ACTN4: variants seen among roughly 807,000 people sequenced by gnomAD.
The protein encoded by ACTN4 is alpha-actinin-4.
A neutral mutation model predicts 114.2 loss-of-function variants in ACTN4; 18 were observed. That is an observed-to-expected ratio of 0.16 (90% CI 0.11 to 0.23). The LOEUF is 0.23. Ranked by LOEUF, ACTN4 falls within the 10% of genes least tolerant of loss-of-function variation. ACTN4 has a pLI of 1.00. For synonymous variants in ACTN4, 515 were observed against 506.3 expected (o/e 1.02, Z -0.23); for missense variants, 722 against 1,262.9 (o/e 0.57, Z 6.49).
chr19:38,661,300 G>T (rs1228220633), intron 1 of ACTN4, among the ~76,000 whole-genome samples: 1 of 152,200 alleles, frequency 6.6e-6, no homozygotes, highest in East Asian at 1.9e-4. Flanking sequence ...CCCCAAGACG[G>T]CAGAACATGA....
intron 1 of ACTN4, among the ~76,000 whole-genome samples, chr19:38,653,000 C>T (rs539228438): frequency 6.6e-6 from 1 of 151,140 alleles, no homozygotes; most frequent in African/African-American, 2.4e-5. Flanking sequence ...GCAGGAGAAT[C>T]GCTTGAACCT....
At position 38,647,816 on chromosome 19, in the gene ACTN4, G is replaced by A; in HGVS notation, c.71G>A (p.Gly24Asp). 2 of 1,552,752 alleles carry A rather than the reference G, an allele frequency of 1.3e-6. No individual in the cohort carries two copies. The highest frequency in any genetic ancestry group is 1.7e-6 in the Non-Finnish European group (2 of 1,150,658). ...GPSSAGNGAG[G>D]GGSMGDYMAQ... ...AGCAGCGCGGGCAATGGCGCTGGCG[G>A]CGGGGGCAGCATGGGCGACTACATG... Residue 24 changes from glycine to aspartate, a missense_variant, in exon 1 of 21, where the codon GGC becomes GAC. Gly to Asp is a moderately conservative substitution (Grantham distance 94). This residue lies in a region of ACTN4 where 72 missense variants were observed against 75.6 expected (regional missense o/e 0.95). Transcript: ENST00000252699.
chr19:38,692,103 G>A (rs761358021), intron 1 of ACTN4, among the ~76,000 whole-genome samples: 6 of 152,180 alleles, frequency 3.9e-5, no homozygotes, highest in African/African-American at 7.2e-5. Context: ...CTCCAACTGC[G>A]AAGTCAGAGC....
At chr19:38,667,106 C>T (rs1457778826) in intron 1 of ACTN4, among the ~76,000 whole-genome samples, 1 of 152,136 alleles carries the variant, frequency 6.6e-6, no homozygotes, top group East Asian at 1.9e-4. Context: ...GGGAAAAAAA[C>T]AACAACACAA....
chr19:38,650,653 A>G (rs1447928704), intron 1 of ACTN4, among the ~76,000 whole-genome samples: 2 of 152,206 alleles, frequency 1.3e-5, no homozygotes, highest in Admixed American at 6.5e-5. Context: ...AAATGGGGGA[A>G]GGAGTAATGG....
chr19:38,701,214 G>A, intron 3 of ACTN4, 93 bp downstream of exon 3: 1 of 1,590,508 alleles, frequency 6.3e-7, no homozygotes, highest in South Asian at 1.1e-5. Flanking sequence ...AAGTTTTGTT[G>A]GTGGCAGGGC....
In ACTN4 at chr19:38,725,511, T is replaced by A. The variant is rs555858849; in HGVS notation, c.2011-213T>A. Among the ~76,000 whole-genome samples the A allele has an allele frequency of 2.3e-3, 355 of 152,324 alleles. 1 individual carries two copies. Among genetic ancestry groups the A allele is most frequent in the Non-Finnish European group, 3.9e-3 (266 of 68,024 alleles). On this transcript the variant is annotated intron_variant, in intron 16 of 20. Transcript: ENST00000252699. ...GAGCGCTTGGCAGAGAAAACCTCCC[T>A]GTCATTGTCATAGCTGCTTTAACAT...
intron 3 of ACTN4, among the ~76,000 whole-genome samples, chr19:38,703,791 T>A (rs1281958104): frequency 1.3e-5 from 2 of 151,832 alleles, no homozygotes; most frequent in East Asian, 3.9e-4. Flanking sequence ...AGGAACTGGG[T>A]GGCGGGTTGG....
At position 38,726,550 on chromosome 19, in the gene ACTN4, C is replaced by T. The variant is rs553091288; in HGVS notation, c.2191-407C>T. ...TCCGGGGACATTACAAGCTGGTCGC[C>T]GTCATATTGGTAGCTTGAGAAACCA... On this transcript the variant is annotated intron_variant, in intron 17 of 20. Transcript: ENST00000252699. Among the ~76,000 whole-genome samples, 6 of 152,242 alleles carry T rather than the reference C, an allele frequency of 3.9e-5. No individual in the cohort carries two copies. In the South Asian group the frequency reaches 6.2e-4, roughly 16 times the overall value.
intron 8 of ACTN4, among the ~76,000 whole-genome samples, chr19:38,712,072 G>GA (rs1488833728): frequency 6.6e-6 from 1 of 152,224 alleles, no homozygotes; most frequent in Non-Finnish European, 1.5e-5. Flanking sequence ...GGAGGAGGCA[G>GA]AATCGATTCT....
intron 1 of ACTN4, among the ~76,000 whole-genome samples, chr19:38,678,374 C>T (rs1967444796): frequency 6.6e-6 from 1 of 152,118 alleles, no homozygotes; most frequent in Non-Finnish European, 1.5e-5. Context: ...AGAACACAGC[C>T]CTGTGGTTTG....
intron 3 of ACTN4, among the ~76,000 whole-genome samples, chr19:38,701,866 T>C (rs1194859512): frequency 2.0e-5 from 3 of 152,242 alleles, no homozygotes; most frequent in Admixed American, 6.5e-5. Flanking sequence ...TGTCCCAGCT[T>C]CTAGAAAAAC....
intron 5 of ACTN4, among the ~76,000 whole-genome samples, chr19:38,706,612 T>G (rs1212077970): frequency 6.6e-6 from 1 of 152,008 alleles, no homozygotes; most frequent in Non-Finnish European, 1.5e-5. Flanking sequence ...AGGAACAGGG[T>G]CTCCCTATGT....
intron 8 of ACTN4, among the ~76,000 whole-genome samples, chr19:38,712,279 TTG>T (rs1968682507): frequency 6.6e-6 from 1 of 152,162 alleles, no homozygotes; most frequent in Admixed American, 6.5e-5. Context: ...GACCCCTGCT[TTG>T]AGCCTCCCAA....
chr19:38,708,283 C>T (rs563507282), intron 6 of ACTN4, 88 bp downstream of exon 6: 556 of 1,428,102 alleles, frequency 3.9e-4, no homozygotes, highest in Admixed American at 1.3e-3. Context: ...GCCCTTCCAT[C>T]GCCAGCCTCC....
Position 38,718,072 on chromosome 19 carries a change from A to T in ACTN4, c.1289A>T (p.Asp430Val). 6.2e-7 allele frequency: 1 copy of T among 1,607,744 alleles called. No individual in the cohort carries two copies. The highest frequency in any genetic ancestry group is 8.5e-7 in the Non-Finnish European group (1 of 1,177,130). The change falls in exon 11 of 21, where the codon GAC (aspartate) becomes GTC (valine). Residue 430 changes from aspartate (D) to valine (V), a missense_variant and splice_region_variant. Physicochemically the swap from Asp to Val is radical, Grantham distance 152. Transcript: ENST00000252699. ...GCCTCCATCCACGAGGCCTGGACTG[A>T]CGGTACGGCCCAGCTCTGCCCCACT... The part of the protein sequence containing the change: ...QKASIHEAWT[D>V]GKEAMLKHRD...
intron 8 of ACTN4, among the ~76,000 whole-genome samples, chr19:38,711,968 A>G (rs1968668182): frequency 1.3e-5 from 2 of 152,164 alleles, no homozygotes; most frequent in African/African-American, 4.8e-5. Context: ...AGGCCCAAGC[A>G]CTGCTCCCCC....
chr19:38,711,168 A>G, intron 8 of ACTN4: 1 of 413,264 alleles, frequency 2.4e-6, no homozygotes, highest in Non-Finnish European at 3.3e-6. Context: ...CTTCCAGTCC[A>G]GAGCAAGTGC....
At chr19:38,679,402 G>A (rs1240914890) in intron 1 of ACTN4, among the ~76,000 whole-genome samples, 1 of 152,108 alleles carries the variant, frequency 6.6e-6, no homozygotes, top group Admixed American at 6.5e-5. Context: ...TGCAATATAT[G>A]ATACATAACC....
Sources: allele counts gnomAD v4.1 joint callset (sites outside exome capture counted in the v4.1 genomes callset), GRCh38; gene constraint gnomAD v4.1.1; regional missense constraint gnomAD v4.1.1; transcripts MANE v1.5; gene names NCBI Gene and HGNC (gene_info 2026-07-23, HGNC 2026-07-21).